Variants in NCAPD3 observed in about 807,000 individuals in gnomAD.
The protein encoded by NCAPD3 is condensin-2 complex subunit D3.
A neutral mutation model predicts 182.9 loss-of-function variants in NCAPD3; 105 were observed. That is an observed-to-expected ratio of 0.57 (90% CI 0.49 to 0.68). NCAPD3 has a LOEUF of 0.68. NCAPD3 is among the 30% of genes least tolerant of loss of function. The pLI, the probability that NCAPD3 is intolerant of heterozygous loss-of-function variation, is 0.00. For missense variants in NCAPD3, 1,944 were observed against 1,837.0 expected (o/e 1.06, Z -1.07); for synonymous variants, 815 against 679.9 (o/e 1.20, Z -3.09).
intron 24 of NCAPD3, among the ~76,000 whole-genome samples, chr11:134,170,283 T>C (rs1409934592): frequency 6.6e-6 from 1 of 152,200 alleles, no homozygotes; most frequent in Non-Finnish European, 1.5e-5. Flanking sequence ...AAAATTCACT[T>C]AAGGACAACC....
chr11:134,204,712 G>GT lies in NCAPD3; in HGVS notation c.1089+186dup, dbSNP rs968680017. Among the ~76,000 whole-genome samples the GT allele has an allele frequency of 4.0e-5, 6 of 151,642 alleles. No homozygotes were observed. The highest frequency in any genetic ancestry group is 3.3e-4 in the Admixed American group (5 of 15,240). On this transcript the variant is annotated intron_variant, in intron 9 of 34. Coordinates refer to ENST00000534548, the MANE Select transcript of NCAPD3 (RefSeq NM_015261.3). The surrounding 1 kb of genome is among the most constrained non-coding windows in gnomAD (Gnocchi z 4.3). ...CATTTTTCCAAAACAAAGTTTTTTT[G>GT]TTTTTTTGTTTTTTATAGAACACTT... is the stretch of plus-strand genomic sequence containing the variant.
At chr11:134,164,169 G>A (rs1240006520) in intron 27 of NCAPD3, among the ~76,000 whole-genome samples, 1 of 152,176 alleles carries the variant, frequency 6.6e-6, no homozygotes, top group African/African-American at 2.4e-5. Context: ...GCAGAGGCCT[G>A]TGGCAGCCAA....
intron 16 of NCAPD3, among the ~76,000 whole-genome samples, chr11:134,188,670 A>T (rs2135991179): frequency 6.6e-6 from 1 of 152,332 alleles, no homozygotes; most frequent in East Asian, 1.9e-4. Flanking sequence ...GAAGTCAGCG[A>T]GACCACGAAC....
At chr11:134,214,505 C>T (rs1565558007) in intron 3 of NCAPD3, among the ~76,000 whole-genome samples, 1 of 151,978 alleles carries the variant, frequency 6.6e-6, no homozygotes, top group Non-Finnish European at 1.5e-5. Flanking sequence ...CTTAAAAAGT[C>T]AGAATAAGAG....
intron 13 of NCAPD3, 136 bp downstream of exon 13, chr11:134,202,680 C>T (rs377702016): frequency 1.8e-5 from 11 of 611,158 alleles, no homozygotes; most frequent in East Asian, 3.0e-5. Context: ...TGAGTCACCA[C>T]GCCCAGCCAG....
chr11:134,170,257 G>A (rs1431446113), intron 24 of NCAPD3, among the ~76,000 whole-genome samples: 3 of 152,090 alleles, frequency 2.0e-5, no homozygotes, highest in African/African-American at 7.2e-5. Context: ...ATTCAATAAC[G>A]AGAATTCCTT....
chr11:134,174,825 A>C (rs1050217308), intron 24 of NCAPD3, among the ~76,000 whole-genome samples: 1 of 152,240 alleles, frequency 6.6e-6, no homozygotes, highest in African/African-American at 2.4e-5. Flanking sequence ...TACATGTATC[A>C]AAACATCACT....
Position 134,167,405 on chromosome 11 carries a change from CACTT to C in NCAPD3, c.3573+587_3573+590del, listed in dbSNP as rs66495156. ...GAGGAGCTTAGGGGAGCTGCACACT[CACTT>C]GTGAGATGAGCTTGGGGGAGGCGCA... On this transcript the variant is annotated intron_variant, in intron 27 of 34. Coordinates refer to ENST00000534548, the MANE Select transcript of NCAPD3 (RefSeq NM_015261.3). Among the ~76,000 whole-genome samples the C allele has an allele frequency of 8.8e-3, 913 of 103,622 alleles. 63 individuals are homozygous for C. The highest frequency in any genetic ancestry group is 0.014 in the Non-Finnish European group (670 of 49,552). The allele number at this position is 103,622 out of a possible 152,430, so 68.0% of individuals were successfully genotyped here.
chr11:134,207,046 G>T (rs10894785), intron 7 of NCAPD3, among the ~76,000 whole-genome samples: 68,325 of 151,992 alleles, frequency 0.45, 18,059 homozygotes, highest in African/African-American at 0.75. Flanking sequence ...CATTTACATA[G>T]GGCAAAGAAT....
chr11:134,153,276 A>G lies in NCAPD3; in HGVS notation c.4327+13T>C, dbSNP rs1943314104. The G allele has an allele frequency of 1.2e-6, 2 of 1,614,012 alleles. No homozygotes were observed. Among genetic ancestry groups the G allele is most frequent in the Admixed American group, 1.7e-5 (1 of 60,010 alleles). On this transcript the variant is annotated intron_variant, in intron 33 of 34. Transcript: ENST00000534548. ...AGTGCATCTATCAGCCCAGAAGGAC[A>G]CCAAGAACTTGCCTTTGGCTGACGA...
At chr11:134,181,232 G>A (rs1285538974) in intron 19 of NCAPD3, 48 bp from the exon 20 acceptor site, 2 of 1,238,158 alleles carry the variant, frequency 1.6e-6, no homozygotes, top group Non-Finnish European at 2.4e-6. Context: ...ACATCTCCCA[G>A]ACTACCCATG....
intron 27 of NCAPD3, among the ~76,000 whole-genome samples, chr11:134,164,383 A>G (rs1943694293): frequency 6.6e-6 from 1 of 152,262 alleles, no homozygotes. Context: ...GGGGGACCTG[A>G]GCTCAGGCTC....
At chr11:134,225,197 C>G (rs1431310354), upstream of NCAPD3, 2 of 1,614,148 alleles carry the variant, frequency 1.2e-6, no homozygotes, top group East Asian at 2.2e-5. Context: ...GGAAGCGGGC[C>G]GAGCACAAGA....
In NCAPD3 at chr11:134,158,422, T is replaced by A; in HGVS notation, c.3941A>T (p.Gln1314Leu). 6.2e-7 allele frequency: 1 copy of A among 1,614,210 alleles called. No homozygotes were observed. The highest frequency in any genetic ancestry group is 8.5e-7 in the Non-Finnish European group (1 of 1,180,042). Residue 1314 changes from glutamine (Q) to leucine (L), a missense_variant, in exon 30 of 35, where the codon CAG becomes CTG. Physicochemically the swap from Gln to Leu is moderately radical, Grantham distance 113. This residue lies in a region of NCAPD3 where 1,803 missense variants were observed against 1,674.6 expected (regional missense o/e 1.08). Transcript: ENST00000534548. Reference sequence around the variant, plus strand: ...AGCACTTGCCCTGGGTGTGCAGGGCTGGCTCACGGCAGGTGACATGGCAGG... The same window carrying A: ...AGCACTTGCCCTGGGTGTGCAGGGCAGGCTCACGGCAGGTGACATGGCAGG... Reference protein sequence around the residue: ...ENPAMSPAVSQPCTPRASAGH... With the variant: ...ENPAMSPAVSLPCTPRASAGH...
chr11:134,157,015 C>T lies in NCAPD3; in HGVS notation c.4252+3G>A, dbSNP rs1189915384. 2.5e-6 allele frequency: 4 copies of T among 1,609,368 alleles called. No homozygotes were observed. The South Asian group carries it at 3.3e-5, about 13-fold the overall frequency. On this transcript the variant is annotated splice_donor_region_variant and intron_variant, in intron 32 of 34. Coordinates refer to ENST00000534548, the MANE Select transcript of NCAPD3 (RefSeq NM_015261.3). ...AGCCCACGTGTTCCGATCAGTTACT[C>T]ACTCTCGGGGGTGCTGATGGCCCGC...
At chr11:134,203,504 T>C in intron 11 of NCAPD3, 150 bp downstream of exon 11, 1 of 1,088,824 alleles carries the variant, frequency 9.2e-7, no homozygotes. Context: ...AAAAGTTATT[T>C]GGCAAGAAAA....
Position 134,221,387 on chromosome 11 carries a change from T to A in NCAPD3, c.65-661A>T, listed in dbSNP as rs543229724. On this transcript the variant is annotated intron_variant, in intron 1 of 34. Transcript: ENST00000534548. ...TCTTTTTTTTTTGGATAAACTTTTTTTTTTAACTTAAAGTTTTTGGGTACA... is the reference window on the plus strand; with the variant it reads ...TCTTTTTTTTTTGGATAAACTTTTTATTTTAACTTAAAGTTTTTGGGTACA... 2.0e-5 allele frequency among the ~76,000 whole-genome samples: 3 copies of A among 152,318 alleles called. No individual in the cohort carries two copies. The South Asian group carries it at 6.2e-4, about 32-fold the overall frequency.
chr11:134,161,998 T>A (rs1943596091), intron 27 of NCAPD3, 107 bp from the exon 28 acceptor site: 1 of 595,942 alleles, frequency 1.7e-6, no homozygotes, highest in Non-Finnish European at 2.9e-6. Flanking sequence ...CTATGTAAGT[T>A]TATTTTTGCT....
In NCAPD3 at chr11:134,203,596, A is replaced by G; in HGVS notation, c.1468+58T>C. The G allele has an allele frequency of 1.9e-6, 3 of 1,576,168 alleles. No individual in the cohort carries two copies. In the South Asian group the frequency reaches 3.3e-5, roughly 18 times the overall value. On this transcript the variant is annotated intron_variant, in intron 11 of 34. Transcript: ENST00000534548. ...CCACAGAAAAGAACGATTCCCTTGCAGTCTATTTCTCAATGAGCACAAGAC... is the reference window on the plus strand; with the variant it reads ...CCACAGAAAAGAACGATTCCCTTGCGGTCTATTTCTCAATGAGCACAAGAC...
Sources: gnomAD v4.1 joint callset for allele counts (sites outside exome capture counted in the v4.1 genomes callset) on GRCh38, gnomAD v4.1.1 for gene constraint, gnomAD v4.1.1 regional missense constraint, Gnocchi (gnomAD v3.1) non-coding constraint, MANE v1.5 for transcripts, NCBI Gene and HGNC (gene_info 2026-07-23, HGNC 2026-07-21) for gene names.